RBL2: variants seen among roughly 807,000 people sequenced by gnomAD.
RBL2 encodes retinoblastoma-like protein 2.
Under a neutral mutation model 126.0 loss-of-function variants are expected in RBL2, and 56 were observed. The observed-to-expected ratio is 0.44, with a 90% CI of 0.36 to 0.56. RBL2 has a LOEUF of 0.56. RBL2 is among the 20% of genes least tolerant of loss of function. RBL2 has a pLI of 0.00. For missense variants in RBL2, 1,229 were observed against 1,398.2 expected (o/e 0.88, Z 1.93); for synonymous variants, 454 against 478.5 (o/e 0.95, Z 0.67).
At chr16:53,464,080 G>T in intron 11 of RBL2, 146 bp from the exon 12 acceptor site, 1 of 558,412 alleles carries the variant, frequency 1.8e-6, no homozygotes, top group South Asian at 5.1e-5. Flanking sequence ...ATATAATTAA[G>T]AAAGGTTTTG....
At chr16:53,486,942 T>G (rs1448633850) in intron 21 of RBL2, among the ~76,000 whole-genome samples, 3 of 152,148 alleles carry the variant, frequency 2.0e-5, no homozygotes, top group Non-Finnish European at 2.9e-5. Context: ...AATAAAAAAT[T>G]GAATACCATA....
chr16:53,470,101 C>G lies in RBL2; in HGVS notation c.2161C>G (p.Pro721Ala), dbSNP rs779700119. The G allele has an allele frequency of 9.9e-6, 16 of 1,614,064 alleles. No individual in the cohort carries two copies. The African/African-American group carries it at 1.6e-4, about 16-fold the overall frequency. ...NVSGETVSVT[P>A]VPGQTLVTMA... The stretch of plus-strand genomic sequence containing the variant: ...ATCTGGGGAGACTGTTTCTGTCACA[C>G]CAGTTCCTGGACAGACTTTGGTCAC... Residue 721 changes from proline (P) to alanine (A), a missense_variant, in exon 15 of 22, where the codon CCA becomes GCA. By Grantham distance (27) the Pro-to-Ala change is conservative (BLOSUM62 -1). Around this residue, in one of 2 missense-constraint regions of RBL2, gnomAD observed 1,070 missense variants for 1,274.3 expected, o/e 0.84. Coordinates refer to ENST00000262133, the MANE Select transcript of RBL2 (RefSeq NM_005611.4).
At chr16:53,453,088 A>G (rs2014096730) in intron 5 of RBL2, among the ~76,000 whole-genome samples, 2 of 152,168 alleles carry the variant, frequency 1.3e-5, no homozygotes, top group Non-Finnish European at 2.9e-5. Flanking sequence ...ATATCTGAAC[A>G]GTGTAATTTT....
At chr16:53,479,300 G>A (rs986819596) in intron 18 of RBL2, 75 bp downstream of exon 18, 6 of 1,350,126 alleles carry the variant, frequency 4.4e-6, no homozygotes, top group Non-Finnish European at 5.3e-6. Context: ...AACCATAGTT[G>A]ACTCTGTGGC....
chr16:53,469,889 G>C, intron 14 of RBL2, 27 bp from the exon 15 acceptor site: 1 of 1,513,186 alleles, frequency 6.6e-7, no homozygotes, highest in South Asian at 1.3e-5. Context: ...TGAGTTAAAT[G>C]CTTTGTTTGA....
At chr16:53,486,434 ACCT>A (rs1961179049) in intron 21 of RBL2, among the ~76,000 whole-genome samples, 1 of 152,244 alleles carries the variant, frequency 6.6e-6, no homozygotes, top group South Asian at 2.1e-4. Flanking sequence ...TGGTTTAAAA[ACCT>A]CCTGTCAGAG....
At chr16:53,473,320 C>T (rs921571262) in intron 17 of RBL2, among the ~76,000 whole-genome samples, 1 of 151,788 alleles carries the variant, frequency 6.6e-6, no homozygotes, top group African/African-American at 2.4e-5. Flanking sequence ...GATCCATGAA[C>T]ATAGGATGTT....
intron 8 of RBL2, among the ~76,000 whole-genome samples, 178 bp downstream of exon 8, chr16:53,455,020 ACTTT>A (rs1342901602): frequency 6.6e-6 from 1 of 152,232 alleles, no homozygotes; most frequent in Non-Finnish European, 1.5e-5. Flanking sequence ...GTTAATATCA[ACTTT>A]CATTCATTTT....
intron 20 of RBL2, 38 bp from the exon 21 acceptor site, chr16:53,481,633 T>A: frequency 6.9e-7 from 1 of 1,452,442 alleles, no homozygotes; most frequent in South Asian, 1.3e-5. Flanking sequence ...AATTATAAAT[T>A]TTTTTCTTAG....
Position 53,459,585 on chromosome 16 carries a change from T to G in RBL2, c.1314T>G (p.Asn438Lys). 1 of 1,569,792 alleles carries G rather than the reference T, an allele frequency of 6.4e-7. No homozygotes were observed. The highest frequency in any genetic ancestry group is 8.6e-7 in the Non-Finnish European group (1 of 1,162,284). The change falls in exon 9 of 22, where the codon AAT becomes AAG. Residue 438 changes from asparagine to lysine, a missense_variant. Physicochemically the swap from Asn to Lys is moderately conservative, Grantham distance 94. Transcript: ENST00000262133. ...RLHTMLTGLRNAPSEKLEQIL... is the reference protein window; with the variant it reads ...RLHTMLTGLRKAPSEKLEQIL... ...ACACCATGCTGACAGGCCTCAGGAA[T>G]GCACCAAGTGAGAAACTGGAACAGA...
Position 53,447,037 on chromosome 16 carries a change from C to A in RBL2, c.573-5C>A. ...CTCATGACTTTTTTTTTTCTTCCCC[C>A]AAAGGCGACAGCCCTGTACTGTGTC... On this transcript the variant is annotated splice_polypyrimidine_tract_variant and splice_region_variant and intron_variant, in intron 3 of 21. Transcript: ENST00000262133. 6.7e-7 allele frequency: 1 copy of A among 1,502,536 alleles called. No homozygotes were observed. Among genetic ancestry groups the A allele is most frequent in the Non-Finnish European group, 8.9e-7 (1 of 1,129,942 alleles). 93.1% of individuals were successfully genotyped at this position (1,502,536 alleles called of 1,614,324 possible).
intron 21 of RBL2, among the ~76,000 whole-genome samples, chr16:53,484,571 A>G (rs1180321736): frequency 6.6e-6 from 1 of 152,240 alleles, no homozygotes; most frequent in Admixed American, 6.5e-5. Context: ...GTTAAGTGAA[A>G]GAAGCCAGTC....
chr16:53,479,398 C>T (rs1960856932), intron 18 of RBL2, 173 bp downstream of exon 18: 4 of 582,008 alleles, frequency 6.9e-6, no homozygotes, highest in Non-Finnish European at 1.2e-5. Context: ...TGATTAAGGT[C>T]TCTTTTCCTC....
intron 8 of RBL2, among the ~76,000 whole-genome samples, chr16:53,455,078 G>A (rs1241533189): frequency 6.6e-6 from 1 of 152,164 alleles, no homozygotes; most frequent in Non-Finnish European, 1.5e-5. Context: ...TTAAACAAAT[G>A]TGTCATGCTG....
rs1961461878 is a variant in RBL2 at position 53,491,591 on chromosome 16, T to G, written c.*1291T>G. On this transcript the variant is annotated 3_prime_UTR_variant, in exon 22 of 22. Coordinates refer to ENST00000262133, the MANE Select transcript of RBL2 (RefSeq NM_005611.4). ...ATATTTATAAAACTTCTCAAGATAC[T>G]GCTACTGTAATTTTATATGAAGATA... 6.6e-6 allele frequency: 1 copy of G among 152,630 alleles called. No individual in the cohort carries two copies. Among genetic ancestry groups the G allele is most frequent in the Non-Finnish European group, 1.5e-5 (1 of 68,028 alleles). The allele number at this position is 152,630 out of a possible 1,614,324, so 9.5% of individuals were successfully genotyped here. A position where few individuals can be genotyped will look rare whatever the true frequency, so the allele number is the denominator to read the frequency against.
rs1323296713 is a variant in RBL2, at chr16:53,467,073, A to C, written c.1879A>C (p.Asn627His). Reference sequence around the variant, plus strand: ...TTCTTCATAGGTCATGCCACCTCAGAACCTGGAAAGGGCAGATGAAATTTG... The same window carrying C: ...TTCTTCATAGGTCATGCCACCTCAGCACCTGGAAAGGGCAGATGAAATTTG... ...PTCEEVMPPQ[N>H]LERADEICIA... The change falls in exon 14 of 22, where the codon AAC becomes CAC. Residue 627 changes from asparagine (N) to histidine (H), a missense_variant. Physicochemically the swap from Asn to His is moderately conservative, Grantham distance 68. This residue lies in a region of RBL2 where 1,070 missense variants were observed against 1,274.3 expected (regional missense o/e 0.84). Coordinates refer to ENST00000262133, the MANE Select transcript of RBL2 (RefSeq NM_005611.4). 1 of 1,613,972 alleles carries C rather than the reference A, an allele frequency of 6.2e-7. No individual in the cohort carries two copies. Among genetic ancestry groups the C allele is most frequent in the African/African-American group, 1.3e-5 (1 of 75,036 alleles).
Position 53,454,839 on chromosome 16 carries a change from C to A in RBL2, c.1176C>A (p.Asp392Glu), listed in dbSNP as rs764765537. The change falls in exon 8 of 22, where the codon GAC (aspartate) becomes GAA (glutamate). Residue 392 changes from aspartate (D) to glutamate (E), a missense_variant. Around this residue, in one of 2 missense-constraint regions of RBL2, gnomAD observed 1,070 missense variants for 1,274.3 expected, o/e 0.84. Transcript: ENST00000262133. ...AAAACATCTTACAGCAGCATTTTGA[C>A]AAGGTGAGTTTAGCCATGCCAGAAG... ...QMKNILQQHF[D>E]KSKALRISTP... 5 of 1,605,504 alleles carry A rather than the reference C, an allele frequency of 3.1e-6. No homozygotes were observed. The South Asian group carries it at 4.4e-5, about 14-fold the overall frequency.
At position 53,491,372 on chromosome 16, in the gene RBL2, T is replaced by TAACA. The variant is rs951260991; in HGVS notation, c.*1073_*1076dup. On this transcript the variant is annotated 3_prime_UTR_variant, in exon 22 of 22. Transcript: ENST00000262133. ...TTTATACAAATTAGAAAATGTTATT[T>TAACA]AACAGCTGAATTATCTATACATATC... is the stretch of plus-strand genomic sequence containing the variant. The TAACA allele has an allele frequency of 5.3e-5, 8 of 152,252 alleles. No individual in the cohort carries two copies. Among genetic ancestry groups the TAACA allele is most frequent in the African/African-American group, 1.7e-4 (7 of 41,454 alleles). 9.4% of individuals were successfully genotyped at this position (152,252 alleles called of 1,614,324 possible).
intron 8 of RBL2, 81 bp downstream of exon 8, chr16:53,454,923 TTG>T: frequency 7.8e-7 from 1 of 1,287,130 alleles, no homozygotes. Flanking sequence ...AATTTCATGT[TTG>T]TGTTTTACTT....
Sources: allele counts gnomAD v4.1 joint callset (sites outside exome capture counted in the v4.1 genomes callset), GRCh38; gene constraint gnomAD v4.1.1; regional missense constraint gnomAD v4.1.1; transcripts MANE v1.5; gene names NCBI Gene and HGNC (gene_info 2026-07-23, HGNC 2026-07-21).